Variants in KLHL29 observed in about 807,000 individuals in gnomAD.
KLHL29 encodes kelch like family member 29.
In KLHL29, 21 loss-of-function variants were observed where a neutral mutation model predicts 80.4. That is an observed-to-expected ratio of 0.26 (90% confidence interval 0.19 to 0.38). KLHL29 has a LOEUF of 0.38. Among genes scored for constraint, KLHL29 ranks in the 10% least tolerant of loss-of-function variants. The pLI is 1.00. For synonymous variants in KLHL29, 511 were observed against 526.8 expected, an observed-to-expected ratio of 0.97 and a Z score of 0.41; for missense variants, 867 against 1,223.9, an observed-to-expected ratio of 0.71 and a Z score of 4.35.
intron 1 of KLHL29, among the ~76,000 whole-genome samples, chr2:23,465,393 A>ACCT (rs928950598): frequency 1.1e-4 from 16 of 152,330 alleles, no homozygotes; most frequent in Admixed American, 9.1e-4. Context: ...GTGTGAGGGC[A>ACCT]CCTAGCAGGC....
At chr2:23,610,024 T>G (rs1668820397) in intron 3 of KLHL29, among the ~76,000 whole-genome samples, 1 of 152,166 alleles carries the variant, frequency 6.6e-6, no homozygotes, top group South Asian at 2.1e-4. Flanking sequence ...GTTGCTTTTG[T>G]GACACATACC....
intron 1 of KLHL29, among the ~76,000 whole-genome samples, chr2:23,474,452 T>C (rs557945514): frequency 1.1e-4 from 16 of 152,238 alleles, no homozygotes; most frequent in Admixed American, 4.6e-4. Context: ...AGAGGAAATG[T>C]ACTCGCCACT....
chr2:23,483,483 G>C (rs1381977329), intron 2 of KLHL29, among the ~76,000 whole-genome samples: 1 of 152,162 alleles, frequency 6.6e-6, no homozygotes, highest in African/African-American at 2.4e-5. Context: ...AGCTCACAGG[G>C]CATTGGCCAG....
At chr2:23,499,982 G>T (rs1665391227) in intron 2 of KLHL29, among the ~76,000 whole-genome samples, 1 of 152,352 alleles carries the variant, frequency 6.6e-6, no homozygotes, top group South Asian at 2.1e-4. Context: ...TTTTAGCGTT[G>T]TGAGGATAAT....
intron 1 of KLHL29, among the ~76,000 whole-genome samples, chr2:23,386,693 A>G (rs544254626): frequency 1.3e-5 from 2 of 152,134 alleles, no homozygotes; most frequent in East Asian, 3.9e-4. Flanking sequence ...CGCTAGGGTT[A>G]TCTGCGGTCG....
intron 6 of KLHL29, among the ~76,000 whole-genome samples, chr2:23,686,433 C>T (rs1418662168): frequency 2.0e-5 from 3 of 152,070 alleles, no homozygotes; most frequent in East Asian, 3.9e-4. Flanking sequence ...TCCTCTCCTG[C>T]GCCCTGGGCT....
chr2:23,578,337 G>A lies in KLHL29; in HGVS notation c.285+15856G>A, dbSNP rs547528481. 3.1e-4 allele frequency among the ~76,000 whole-genome samples: 47 copies of A among 152,268 alleles called. 1 individual carries two copies. The South Asian group carries it at 8.7e-3, about 28-fold the overall frequency. On this transcript the variant is annotated intron_variant, in intron 3 of 13. Transcript: ENST00000486442. ...ATTCAAACTGTCCAAGATTGCATCC[G>A]GACTCTCCCACTTTCTAACTGTGTG...
chr2:23,681,807 C>G lies in KLHL29; in HGVS notation c.941-2592C>G, dbSNP rs1109269. Among the ~76,000 whole-genome samples, 3,139 of 152,308 alleles carry G rather than the reference C, an allele frequency of 0.021. 124 individuals are homozygous for G. The highest frequency in any genetic ancestry group is 0.072 in the African/African-American group (2,972 of 41,550). The stretch of plus-strand genomic sequence containing the variant: ...CACTCAAAAAGGGGATGTCATCTAC[C>G]TGGCTCGTGGTTTGGGCATTAATTC... On this transcript the variant is annotated intron_variant, in intron 5 of 13. Transcript: ENST00000486442. This position sits in a 1 kb window ranked among gnomAD's most constrained non-coding sequence, Gnocchi z 4.2.
chr2:23,691,628 G>A, intron 6 of KLHL29, 46 bp from the exon 7 acceptor site: 1 of 1,504,372 alleles, frequency 6.6e-7, no homozygotes, highest in Non-Finnish European at 9.0e-7. Context: ...AAGCGGCACG[G>A]TGGCCGCAGG....
At chr2:23,459,269 G>C (rs1558345940) in intron 1 of KLHL29, among the ~76,000 whole-genome samples, 1 of 152,192 alleles carries the variant, frequency 6.6e-6, no homozygotes, top group Non-Finnish European at 1.5e-5. Flanking sequence ...AGTCTGAGTT[G>C]CCTTTGAAAC....
chr2:23,474,295 A>G (rs1664572507), intron 1 of KLHL29, among the ~76,000 whole-genome samples: 1 of 152,174 alleles, frequency 6.6e-6, no homozygotes, highest in South Asian at 2.1e-4. Context: ...ATTCTCAAGC[A>G]CCTAAAAATG....
At chr2:23,694,344 G>A (rs1478860938) in intron 8 of KLHL29, among the ~76,000 whole-genome samples, 1 of 152,098 alleles carries the variant, frequency 6.6e-6, no homozygotes, top group African/African-American at 2.4e-5. Flanking sequence ...CCCTTTAAGT[G>A]GATCGACTTC....
chr2:23,526,568 T>A (rs1666326170), intron 2 of KLHL29, among the ~76,000 whole-genome samples: 1 of 152,152 alleles, frequency 6.6e-6, no homozygotes, highest in Admixed American at 6.5e-5. Flanking sequence ...GAGAGGAGCC[T>A]AGTGGGCTGG....
At chr2:23,555,250 C>T (rs572141154) in intron 2 of KLHL29, among the ~76,000 whole-genome samples, 7 of 152,302 alleles carry the variant, frequency 4.6e-5, no homozygotes, top group African/African-American at 9.6e-5. Context: ...CACACTGCTT[C>T]GGATTTGACT....
chr2:23,677,688 G>A lies in KLHL29; in HGVS notation c.941-6711G>A, dbSNP rs145214347. On this transcript the variant is annotated intron_variant, in intron 5 of 13. Transcript: ENST00000486442. The stretch of plus-strand genomic sequence containing the variant: ...GAGGGCAACATTCCGCTTGGGAGGC[G>A]CGTGGAGCAGCAGCGGGACGTTCTG... 2.0e-4 allele frequency among the ~76,000 whole-genome samples: 31 copies of A among 152,340 alleles called. No homozygotes were observed. The East Asian group carries it at 4.6e-3, about 23-fold the overall frequency.
intron 2 of KLHL29, among the ~76,000 whole-genome samples, chr2:23,477,917 T>A (rs1437092483): frequency 6.6e-6 from 1 of 152,114 alleles, no homozygotes; most frequent in Admixed American, 6.5e-5. Flanking sequence ...TAGTTTGGGG[T>A]CTAATCTTCC....
chr2:23,388,963 C>T lies in KLHL29; in HGVS notation c.-154+3183C>T, dbSNP rs186008688. 6.1e-3 allele frequency among the ~76,000 whole-genome samples: 879 copies of T among 144,976 alleles called. 7 individuals are homozygous for T. Among genetic ancestry groups the T allele is most frequent in the African/African-American group, 0.021 (806 of 38,686 alleles). On this transcript the variant is annotated intron_variant, in intron 1 of 13. Coordinates refer to ENST00000486442, the MANE Select transcript of KLHL29 (RefSeq NM_052920.2). ...TTCCTTCCTTCCTCCTTTTTGCTTC[C>T]TTCCTTTTTTTCTTTCTTTCTTCTT...
chr2:23,517,192 G>A lies in KLHL29; in HGVS notation c.-46+41525G>A, dbSNP rs572717996. On this transcript the variant is annotated intron_variant, in intron 2 of 13. Transcript: ENST00000486442. ...CCTCCAGCCCGGGGGTCTGCCGTCC[G>A]CTGAGCTCTTTTTTCTTTAAACTTA... 1.1e-3 allele frequency among the ~76,000 whole-genome samples: 162 copies of A among 152,214 alleles called. 2 individuals are homozygous for A. The highest frequency in any genetic ancestry group is 7.5e-3 in the South Asian group (36 of 4,814).
Position 23,642,473 on chromosome 2 carries a change from C to T in KLHL29, c.563C>T (p.Ser188Leu), listed in dbSNP as rs763090221. ...VQAPVIGVTP[S>L]LPPHVGPQLP... The stretch of plus-strand genomic sequence containing the variant: ...GCCCCGGTCATTGGGGTGACCCCCT[C>T]ACTGCCTCCCCACGTGGGGCCCCAG... The change falls in exon 5 of 14, where the codon TCA becomes TTA. Residue 188 changes from serine (S) to leucine (L), a missense_variant. By Grantham distance (145) the Ser-to-Leu change is moderately radical. This residue lies in a region of KLHL29 where 424 missense variants were observed against 456.9 expected (regional missense o/e 0.93). Coordinates refer to ENST00000486442, the MANE Select transcript of KLHL29 (RefSeq NM_052920.2). The T allele has an allele frequency of 9.9e-6, 15 of 1,514,198 alleles. No individual in the cohort carries two copies. The South Asian group carries it at 1.7e-4, about 17-fold the overall frequency. 93.8% of individuals were successfully genotyped at this position (1,514,198 alleles called of 1,614,324 possible).
Sources: allele counts gnomAD v4.1 joint callset (sites outside exome capture counted in the v4.1 genomes callset), GRCh38; gene constraint gnomAD v4.1.1; regional missense constraint gnomAD v4.1.1; non-coding constraint Gnocchi (gnomAD v3.1); transcripts MANE v1.5; gene names NCBI Gene and HGNC (gene_info 2026-07-23, HGNC 2026-07-21).